PDE6A: variants seen among roughly 807,000 people sequenced by gnomAD.
PDE6A encodes rod cGMP-specific 3',5'-cyclic phosphodiesterase subunit alpha.
A neutral mutation model predicts 106.3 loss-of-function variants in PDE6A; 84 were observed. The observed-to-expected ratio is 0.79, with a 90% CI of 0.66 to 0.95. PDE6A has a LOEUF of 0.95. PDE6A is among the 40% of genes least tolerant of loss of function. The probability of loss-of-function intolerance (pLI) is 0.00; values close to 1 mark genes in which losing one functional copy is unlikely to be tolerated. For missense variants in PDE6A, 1,052 were observed against 1,084.9 expected, an observed-to-expected ratio of 0.97 and a Z score of 0.43; for synonymous variants, 394 against 386.6, an observed-to-expected ratio of 1.02 and a Z score of -0.23.
chr5:149,944,321 T>C lies in PDE6A; in HGVS notation c.353A>G (p.Asp118Gly), dbSNP rs1254133682. ...LATRLFNVHK[D>G]AVLEDCLVMP... ...CACCAGGCAGTCCTCGAGGACAGCA[T>C]CCTTGTGGACATTGAAAAGCCTGGT... Residue 118 changes from aspartate to glycine, a missense_variant, in exon 1 of 22, where the codon GAT becomes GGT. This residue lies in a region of PDE6A where 913 missense variants were observed against 915.2 expected (regional missense o/e 1.00). Transcript: ENST00000255266. 3 of 1,614,134 alleles carry C rather than the reference T, an allele frequency of 1.9e-6. No individual in the cohort carries two copies. Among genetic ancestry groups the C allele is most frequent in the Non-Finnish European group, 8.5e-7 (1 of 1,180,032 alleles).
chr5:149,887,117 C>A (rs1421660960), intron 13 of PDE6A, among the ~76,000 whole-genome samples: 1 of 152,102 alleles, frequency 6.6e-6, no homozygotes, highest in Non-Finnish European at 1.5e-5. Context: ...GTCTCCGAAC[C>A]CTCTCAGTGA....
rs1352884400 is a variant in PDE6A, at chr5:149,896,374, T to C, written c.1602A>G (p.Lys534=). 3 of 1,613,858 alleles carry C rather than the reference T, an allele frequency of 1.9e-6. No homozygotes were observed. The highest frequency in any genetic ancestry group is 1.3e-5 in the African/African-American group (1 of 74,922). The change falls in exon 12 of 22, where the codon AAA becomes AAG. Residue 534 remains lysine (K), a synonymous_variant. Coordinates refer to ENST00000255266, the MANE Select transcript of PDE6A (RefSeq NM_000440.3). ...ACCTCACCTCTTGTGGAATGTGAAATTTATCCACCACTTTGAGCTCATAAT... is the reference window on the plus strand; with the variant it reads ...ACCTCACCTCTTGTGGAATGTGAAACTTATCCACCACTTTGAGCTCATAAT... ...QMYYELKVVD[K]FHIPQEALVR...
chr5:149,906,519 C>CAAAAAAAAAAAAACAAAAA (rs1753189717), intron 7 of PDE6A, among the ~76,000 whole-genome samples: 1 of 54,204 alleles, frequency 1.8e-5, no homozygotes, highest in African/African-American at 6.2e-5. Flanking sequence ...GAGACACTGT[C>CAAAAAAAAAAAAACAAAAA]AAAAAAAAAA....
intron 6 of PDE6A, among the ~76,000 whole-genome samples, chr5:149,912,113 C>G (rs1045427651): frequency 2.6e-5 from 4 of 151,910 alleles, no homozygotes; most frequent in African/African-American, 9.7e-5. Flanking sequence ...TTCTTTCTCC[C>G]TCTCTTTTTT....
chr5:149,884,197 A>ATATAT (rs1396828370), intron 16 of PDE6A, among the ~76,000 whole-genome samples: 5 of 142,410 alleles, frequency 3.5e-5, no homozygotes, highest in Admixed American at 1.4e-4. Flanking sequence ...AGAAAAAAAA[A>ATATAT]AAATATATAT....
In PDE6A at chr5:149,866,181, A is replaced by T; in HGVS notation, c.2347T>A (p.Phe783Ile). ...QVGFIDFVCT[F>I]VYKEFSRFHE... ...AGCCAAGGGCCTACCTTGTAGACGA[A>T]GGTGCAAACAAAGTCAATGAAGCCG... is the stretch of plus-strand genomic sequence containing the variant. The change falls in exon 20 of 22, where the codon TTC becomes ATC. Residue 783 changes from phenylalanine to isoleucine, a missense_variant. By Grantham distance (21) the Phe-to-Ile change is conservative (BLOSUM62 0). Transcript: ENST00000255266. The T allele has an allele frequency of 1.2e-6, 2 of 1,613,462 alleles. No homozygotes were observed. Among genetic ancestry groups the T allele is most frequent in the Non-Finnish European group, 1.7e-6 (2 of 1,179,380 alleles).
intron 14 of PDE6A, among the ~76,000 whole-genome samples, chr5:149,886,040 T>C (rs141638887): frequency 1.6e-4 from 24 of 152,242 alleles, no homozygotes; most frequent in African/African-American, 5.8e-4. Context: ...GTCCCTTTTG[T>C]ATGTAAGGCA....
intron 8 of PDE6A, among the ~76,000 whole-genome samples, chr5:149,902,371 C>T (rs73798321): frequency 0.1 from 15,868 of 152,114 alleles, 967 homozygotes; most frequent in East Asian, 0.17. Context: ...TCCTAATCAC[C>T]ACTCGGTGTC....
At chr5:149,896,608 C>A in intron 11 of PDE6A, 103 bp downstream of exon 11, 3 of 1,613,744 alleles carry the variant, frequency 1.9e-6, no homozygotes, top group Non-Finnish European at 2.5e-6. Context: ...AGGATCAGAA[C>A]AGAGTGATGG....
chr5:149,933,085 C>G (rs80118954), intron 3 of PDE6A, among the ~76,000 whole-genome samples: 6,269 of 152,240 alleles, frequency 0.041, 443 homozygotes, highest in African/African-American at 0.14. Context: ...CTCCAACTCC[C>G]GGGCTCAGGC....
intron 4 of PDE6A, among the ~76,000 whole-genome samples, chr5:149,929,999 C>T (rs903938766): frequency 2.0e-5 from 3 of 152,160 alleles, no homozygotes; most frequent in African/African-American, 7.2e-5. Context: ...TGGCCACAGG[C>T]CATCCTCCCA....
chr5:149,894,071 A>G (rs1752642144), intron 13 of PDE6A, among the ~76,000 whole-genome samples: 1 of 152,090 alleles, frequency 6.6e-6, no homozygotes, highest in African/African-American at 2.4e-5. Context: ...CATTAGAGGG[A>G]AATCTTGGAT....
intron 21 of PDE6A, among the ~76,000 whole-genome samples, chr5:149,861,558 G>A (rs1329378998): frequency 1.3e-5 from 2 of 152,210 alleles, no homozygotes; most frequent in African/African-American, 4.8e-5. Context: ...GCTGAGGTGG[G>A]AGGATCGCTT....
intron 13 of PDE6A, among the ~76,000 whole-genome samples, chr5:149,887,877 C>A (rs534027621): frequency 3.9e-5 from 6 of 152,294 alleles, no homozygotes; most frequent in African/African-American, 1.4e-4. Flanking sequence ...AGCCTGTAAG[C>A]AGCGGTGGGC....
intron 7 of PDE6A, 52 bp downstream of exon 7, chr5:149,907,260 T>C: frequency 7.5e-7 from 1 of 1,327,252 alleles, no homozygotes; most frequent in Non-Finnish European, 1.1e-6. Flanking sequence ...ATCCTTCCAC[T>C]CTTTCTTCCA....
rs536549575 is a variant in PDE6A, at chr5:149,867,745, C to T, written c.2254G>A (p.Val752Met). The T allele has an allele frequency of 5.9e-5, 95 of 1,613,924 alleles. No homozygotes were observed. The South Asian group carries it at 8.7e-4, about 15-fold the overall frequency. Residue 752 changes from valine (V) to methionine (M), a missense_variant, in exon 19 of 22, where the codon GTG (valine) becomes ATG (methionine). Around this residue, in one of 3 missense-constraint regions of PDE6A, gnomAD observed 135 missense variants for 153.2 expected, o/e 0.88. Coordinates refer to ENST00000255266, the MANE Select transcript of PDE6A (RefSeq NM_000440.3). Reference protein sequence around the residue: ...FWEQGDLERTVLQQNPIPMMD... With the variant: ...FWEQGDLERTMLQQNPIPMMD... ...CTCACAATGGGATTCTGTTGCAGCA[C>T]CGTGCGCTCCAGGTCACCTTGTTCC...
chr5:149,894,973 G>T (rs73269712), intron 13 of PDE6A, among the ~76,000 whole-genome samples: 15 of 152,098 alleles, frequency 9.9e-5, no homozygotes, highest in African/African-American at 3.6e-4. Flanking sequence ...CTGAGGTTGG[G>T]GGTAGCTTGC....
intron 5 of PDE6A, among the ~76,000 whole-genome samples, chr5:149,920,803 G>C (rs141545682): frequency 0.037 from 5,564 of 151,714 alleles, 272 homozygotes; most frequent in African/African-American, 0.11. Context: ...GGGAGGCCAA[G>C]GTAGGAGGAT....
At chr5:149,876,341 T>G (rs563764701) in intron 17 of PDE6A, among the ~76,000 whole-genome samples, 1 of 149,798 alleles carries the variant, frequency 6.7e-6, no homozygotes, top group Admixed American at 6.6e-5. Context: ...TTTTTGCCCA[T>G]TTTTCCTCTT....
Sources: gnomAD v4.1 joint callset for allele counts (sites outside exome capture counted in the v4.1 genomes callset) on GRCh38, gnomAD v4.1.1 for gene constraint, gnomAD v4.1.1 regional missense constraint, MANE v1.5 for transcripts, NCBI Gene and HGNC (gene_info 2026-07-23, HGNC 2026-07-21) for gene names.